Variants in GSE1 observed in about 807,000 individuals in gnomAD.
GSE1 encodes the protein Gse1 coiled-coil protein.
Under a neutral mutation model 112.6 loss-of-function variants are expected in GSE1, and 32 were observed. The observed-to-expected ratio is 0.28, with a 90% CI of 0.21 to 0.38. GSE1 has a LOEUF of 0.38. GSE1 is among the 10% of genes least tolerant of loss of function. GSE1 has a pLI of 1.00. For synonymous variants in GSE1, 1,115 were observed against 735.6 expected, an observed-to-expected ratio of 1.52 and a Z score of -8.35; for missense variants, 2,348 against 1,699.2, an observed-to-expected ratio of 1.38 and a Z score of -6.71.
At chr16:85,329,960 C>T (rs964461563) in intron 1 of GSE1, among the ~76,000 whole-genome samples, 5 of 151,482 alleles carry the variant, frequency 3.3e-5, no homozygotes, top group African/African-American at 1.2e-4. Flanking sequence ...AAGACCCCGC[C>T]CTCCAGGGGC....
intron 11 of GSE1, chr16:85,664,771 G>A (rs1341763661): frequency 4.7e-6 from 2 of 428,630 alleles, no homozygotes; most frequent in Non-Finnish European, 8.4e-6. Flanking sequence ...CAGAGGCGTC[G>A]TCACCGCACG....
At chr16:85,169,827 C>T in exon 1 of GSE1, 4 of 984,406 alleles carry the variant, frequency 4.1e-6, no homozygotes, top group Non-Finnish European at 4.8e-6. Flanking sequence ...GGGCCGCCTT[C>T]GAGCGCGCCC....
rs550916634 is a variant in GSE1 at position 85,191,049 on chromosome 16, A to G, written c.2283+19242A>G. On this transcript the variant is annotated intron_variant, in intron 1 of 2. Transcript: ENST00000637419. ...CACGGCAGGTGGATCGCTTTAGGCC[A>G]TGAGTTCGACACCAGCCTGGCCAAC... Among the ~76,000 whole-genome samples the G allele has an allele frequency of 5.9e-5, 9 of 152,304 alleles. No individual in the cohort carries two copies. The South Asian group carries it at 1.2e-3, about 21-fold the overall frequency.
intron 2 of GSE1, chr16:85,359,239 C>A (rs976231340): frequency 8.1e-6 from 3 of 368,942 alleles, no homozygotes; most frequent in African/African-American, 4.2e-5. Context: ...GGCCGGGTGC[C>A]CCTGTTTGGC....
upstream of GSE1, among the ~76,000 whole-genome samples, chr16:85,607,693 C>T (rs931988846): frequency 1.3e-5 from 2 of 151,920 alleles, no homozygotes; most frequent in African/African-American, 4.9e-5. Context: ...GGTTCCTCCC[C>T]AAGAGGGGGC....
rs914792623 is a variant in GSE1, at chr16:85,233,800, G to T, written c.2283+61993G>T. Among the ~76,000 whole-genome samples the T allele has an allele frequency of 2.0e-5, 3 of 152,208 alleles. No homozygotes were observed. In the South Asian group the frequency reaches 6.2e-4, roughly 32 times the overall value. On this transcript the variant is annotated intron_variant, in intron 1 of 2. Transcript: ENST00000637419. Reference sequence around the variant, plus strand: ...CTGGCACTTTGCTGGCCTCCTGGCTGGACCAGCCCAGGTGAGGCTGCCTGC... The same window carrying T: ...CTGGCACTTTGCTGGCCTCCTGGCTTGACCAGCCCAGGTGAGGCTGCCTGC...
intron 2 of GSE1, among the ~76,000 whole-genome samples, chr16:85,520,259 C>T (rs985503062): frequency 6.6e-6 from 1 of 151,884 alleles, no homozygotes; most frequent in African/African-American, 2.4e-5. Context: ...GTGAGGGCCG[C>T]GCTCTCATGC....
At chr16:85,358,814 C>G (rs1223247531) in intron 2 of GSE1, among the ~76,000 whole-genome samples, 1 of 152,230 alleles carries the variant, frequency 6.6e-6, no homozygotes, top group Non-Finnish European at 1.5e-5. Flanking sequence ...CTGTCCCCAC[C>G]TTGTCTGAGG....
At chr16:85,358,577 G>T (rs1027730179) in intron 2 of GSE1, among the ~76,000 whole-genome samples, 3 of 151,960 alleles carry the variant, frequency 2.0e-5, no homozygotes, top group Non-Finnish European at 4.4e-5. Context: ...GGGGACTGCT[G>T]GGGGCCTGGG....
At position 85,514,641 on chromosome 16, in the gene GSE1, G is replaced by A. The variant is rs568047143; in HGVS notation, c.2465-119273G>A. 5.3e-5 allele frequency among the ~76,000 whole-genome samples: 8 copies of A among 152,294 alleles called. No homozygotes were observed. The East Asian group carries it at 1.2e-3, about 22-fold the overall frequency. ...AGGCGGCTGAGCTCAGAGGCTCTGC[G>A]CCCATTGTCCCTGGGAAGGGCCTCT... On this transcript the variant is annotated intron_variant, in intron 2 of 2. Coordinates refer to the GSE1 transcript ENST00000637419.
At chr16:85,466,354 T>G (rs1450415345) in intron 2 of GSE1, among the ~76,000 whole-genome samples, 1 of 152,084 alleles carries the variant, frequency 6.6e-6, no homozygotes, top group Non-Finnish European at 1.5e-5. Flanking sequence ...CAGGACCCCC[T>G]GGGGAGTGGG....
chr16:85,285,751 G>C (rs2045005838), intron 1 of GSE1: 1 of 151,518 alleles, frequency 6.6e-6, no homozygotes. Flanking sequence ...CCCAGACCTA[G>C]AATCAGGACC....
At chr16:85,243,588 T>A (rs570570322) in intron 1 of GSE1, among the ~76,000 whole-genome samples, 36 of 152,312 alleles carry the variant, frequency 2.4e-4, no homozygotes, top group Admixed American at 5.9e-4. Context: ...TTGGCCTCTA[T>A]GCAGCAGCAG....
rs1302687785 is a variant in GSE1, at chr16:85,633,920, G to C, written c.14G>C (p.Ser5Thr). 1.9e-6 allele frequency: 3 copies of C among 1,609,934 alleles called. No homozygotes were observed. The East Asian group carries it at 6.7e-5, about 36-fold the overall frequency. ...TCTTCTTTTCCTGTTTCAGGCATGA[G>C]CCATGAGCCCAAGTCCCCTTCGCTA... MKGM[S>T]HEPKSPSLGM... Residue 5 changes from serine to threonine, a missense_variant, in exon 2 of 16, where the codon AGC (serine) becomes ACC (threonine). By Grantham distance (58) the Ser-to-Thr change is moderately conservative (BLOSUM62 1). Coordinates refer to ENST00000253458, the MANE Select transcript of GSE1 (RefSeq NM_014615.5).
chr16:85,573,709 C>T (rs772930912), intron 1 of GSE1, among the ~76,000 whole-genome samples: 23 of 152,262 alleles, frequency 1.5e-4, no homozygotes, highest in South Asian at 4.1e-4. Flanking sequence ...TGGGCGCGTC[C>T]GGAGGGGGAG....
intron 2 of GSE1, among the ~76,000 whole-genome samples, chr16:85,634,952 CG>C (rs140859446): frequency 0.016 from 2,450 of 152,026 alleles, 61 homozygotes; most frequent in African/African-American, 0.056. Context: ...TGCTGACAGG[CG>C]GGGGGGCTGA....
At chr16:85,462,758 G>A (rs1453291723) in intron 2 of GSE1, among the ~76,000 whole-genome samples, 2 of 141,416 alleles carry the variant, frequency 1.4e-5, no homozygotes, top group African/African-American at 2.5e-5. Flanking sequence ...CGAGGTGGTG[G>A]CTGCGAGGCA....
At chr16:85,446,595 G>A (rs1440157056) in intron 2 of GSE1, among the ~76,000 whole-genome samples, 2 of 152,176 alleles carry the variant, frequency 1.3e-5, no homozygotes, top group African/African-American at 4.8e-5. Context: ...GCAGAGGGTA[G>A]CCCGGGGTGG....
intron 1 of GSE1, among the ~76,000 whole-genome samples, chr16:85,302,817 G>C (rs2045564501): frequency 6.6e-6 from 1 of 152,222 alleles, no homozygotes; most frequent in Non-Finnish European, 1.5e-5. Flanking sequence ...GCTGGGCAGG[G>C]TGGGTGAGGT....
Sources: gnomAD v4.1 joint callset for allele counts (sites outside exome capture counted in the v4.1 genomes callset) on GRCh38, gnomAD v4.1.1 for gene constraint, MANE v1.5 for transcripts, NCBI Gene and HGNC (gene_info 2026-07-23, HGNC 2026-07-21) for gene names.